ETF1: variants seen among roughly 807,000 people sequenced by gnomAD.
ETF1 encodes eukaryotic translation termination factor 1, also known as eukaryotic peptide chain release factor subunit 1.
Under a neutral mutation model 55.1 loss-of-function variants are expected in ETF1, and 4 were observed. The ratio of observed to expected loss-of-function variants is 0.07; its 90% CI spans 0.04 to 0.17. The LOEUF (loss-of-function observed/expected upper bound fraction) is 0.17. Among genes scored for constraint, ETF1 ranks in the 10% least tolerant of loss-of-function variants. The probability of loss-of-function intolerance (pLI) is 1.00; values close to 1 mark genes in which losing one functional copy is unlikely to be tolerated. For synonymous variants in ETF1, 157 were observed against 182.3 expected, an observed-to-expected ratio of 0.86 and a Z score of 1.12; for missense variants, 142 against 523.6, an observed-to-expected ratio of 0.27 and a Z score of 7.11.
At chr5:138,521,870 A>C (rs561108716) in intron 2 of ETF1, among the ~76,000 whole-genome samples, 32 of 152,192 alleles carry the variant, frequency 2.1e-4, no homozygotes, top group Admixed American at 4.6e-4. Context: ...TCCCCAAAAC[A>C]GTAGTTCAGT....
At chr5:138,532,680 G>T (rs1019376279) in intron 2 of ETF1, among the ~76,000 whole-genome samples, 2 of 152,148 alleles carry the variant, frequency 1.3e-5, no homozygotes, top group Non-Finnish European at 2.9e-5. Context: ...TCACCTTTAC[G>T]GGATTACAGG....
chr5:138,511,874 G>T, intron 6 of ETF1: 1 of 985,078 alleles, frequency 1.0e-6, no homozygotes, highest in Non-Finnish European at 1.2e-6. Flanking sequence ...GGAAAGGGGG[G>T]ACCACTGGCT....
At chr5:138,515,309 C>T (rs1764973063) in intron 4 of ETF1, among the ~76,000 whole-genome samples, 2 of 152,130 alleles carry the variant, frequency 1.3e-5, no homozygotes, top group South Asian at 4.1e-4. Flanking sequence ...CTTGTAATCC[C>T]AGCTACTCAG....
At chr5:138,519,926 A>G (rs1410944648) in intron 2 of ETF1, among the ~76,000 whole-genome samples, 4 of 150,586 alleles carry the variant, frequency 2.7e-5, no homozygotes, top group Non-Finnish European at 5.9e-5. Context: ...GATTTCTCTG[A>G]TTAATGATGT....
At chr5:138,518,598 A>G in intron 3 of ETF1, 94 bp downstream of exon 3, 1 of 1,050,186 alleles carries the variant, frequency 9.5e-7, no homozygotes, top group East Asian at 2.4e-5. Context: ...AGCCGACTTA[A>G]GGGAACATTA....
At chr5:138,518,570 C>T (rs1765114552) in intron 3 of ETF1, 122 bp downstream of exon 3, 3 of 821,682 alleles carry the variant, frequency 3.7e-6, no homozygotes, top group Non-Finnish European at 5.7e-6. Context: ...CCACCAAGGC[C>T]AAAGAGACAC....
rs1221249853 is a variant in ETF1, at chr5:138,511,008, A to G, written c.1018+37T>C. 7 of 1,601,034 alleles carry G rather than the reference A, an allele frequency of 4.4e-6. No homozygotes were observed. In the South Asian group the frequency reaches 7.9e-5, roughly 18 times the overall value. Reference sequence around the variant, plus strand: ...ATCTCCACCCCAGGCTTCCTGGCTCAGTAACAAATAGCAACCTTATTTTCT... The same window carrying G: ...ATCTCCACCCCAGGCTTCCTGGCTCGGTAACAAATAGCAACCTTATTTTCT... On this transcript the variant is annotated intron_variant, in intron 8 of 10. Transcript: ENST00000360541.
At chr5:138,536,882 T>C (rs921873642) in intron 2 of ETF1, among the ~76,000 whole-genome samples, 2 of 152,136 alleles carry the variant, frequency 1.3e-5, no homozygotes, top group Non-Finnish European at 2.9e-5. Flanking sequence ...CCAACTGGTG[T>C]GGAGGATGGG....
chr5:138,513,499 C>T (rs1403206610), intron 5 of ETF1, 69 bp downstream of exon 5: 34 of 1,350,414 alleles, frequency 2.5e-5, no homozygotes, highest in South Asian at 2.0e-4. Context: ...CCACCGCACC[C>T]GGCCCACCAT....
chr5:138,512,263 T>TTATATATATATATATA (rs1554137523), intron 6 of ETF1, among the ~76,000 whole-genome samples: 3 of 17,916 alleles, frequency 1.7e-4, no homozygotes, highest in African/African-American at 6.0e-4. Context: ...TATATATTTT[T>TTATATATATATATATA]TTTTTTTTTT....
intron 4 of ETF1, among the ~76,000 whole-genome samples, chr5:138,517,350 G>T (rs993719152): frequency 6.6e-6 from 1 of 151,380 alleles, no homozygotes; most frequent in African/African-American, 2.4e-5. Context: ...CAGCCTGGGA[G>T]ACAGAGCGAG....
intron 2 of ETF1, among the ~76,000 whole-genome samples, chr5:138,526,465 C>T (rs910075078): frequency 6.6e-6 from 1 of 152,092 alleles, no homozygotes; most frequent in Admixed American, 6.6e-5. Context: ...ATTAACAGGA[C>T]CTCTTGCCCT....
At chr5:138,529,162 CCAAACAAA>C (rs148420663) in intron 2 of ETF1, among the ~76,000 whole-genome samples, 7 of 151,290 alleles carry the variant, frequency 4.6e-5, no homozygotes, top group African/African-American at 1.7e-4. Flanking sequence ...AAAACCAAAA[CCAAACAAA>C]CAAACAAACA....
chr5:138,529,674 A>C, intron 2 of ETF1: 3 of 985,018 alleles, frequency 3.0e-6, no homozygotes, highest in Non-Finnish European at 3.6e-6. Flanking sequence ...CCAGAGGGTT[A>C]ACGTCTGAAA....
chr5:138,534,535 C>T (rs759652355), intron 2 of ETF1, among the ~76,000 whole-genome samples: 3 of 152,194 alleles, frequency 2.0e-5, no homozygotes, highest in East Asian at 3.8e-4. Context: ...CACTGATGCT[C>T]GTCAAGAATA....
chr5:138,525,323 A>G (rs1765422939), intron 2 of ETF1, among the ~76,000 whole-genome samples: 2 of 150,956 alleles, frequency 1.3e-5, no homozygotes, highest in African/African-American at 4.9e-5. Flanking sequence ...ACGCCTGGCT[A>G]ATTTTTGTAT....
chr5:138,528,967 G>A (rs1765586075), intron 2 of ETF1, among the ~76,000 whole-genome samples: 1 of 151,894 alleles, frequency 6.6e-6, no homozygotes, highest in Non-Finnish European at 1.5e-5. Flanking sequence ...GCCAACATGA[G>A]GAAACCCATC....
intron 2 of ETF1, among the ~76,000 whole-genome samples, chr5:138,523,069 A>T (rs751245307): frequency 6.6e-6 from 1 of 151,984 alleles, no homozygotes; most frequent in Non-Finnish European, 1.5e-5. Flanking sequence ...AAACTGTCAC[A>T]AAAGAACACA....
At chr5:138,515,349 C>T (rs1055474346) in intron 4 of ETF1, among the ~76,000 whole-genome samples, 2 of 152,082 alleles carry the variant, frequency 1.3e-5, no homozygotes, top group African/African-American at 2.4e-5. Flanking sequence ...CACTTGAATT[C>T]GGGAGGTGGA....
Sources: gnomAD v4.1 joint callset for allele counts (sites outside exome capture counted in the v4.1 genomes callset) on GRCh38, gnomAD v4.1.1 for gene constraint, MANE v1.5 for transcripts, NCBI Gene and HGNC (gene_info 2026-07-23, HGNC 2026-07-21) for gene names.